Variants in GRK5 observed in about 807,000 individuals in gnomAD.
GRK5 encodes g protein-coupled receptor kinase GRK5.
A neutral mutation model predicts 78.4 loss-of-function variants in GRK5; 40 were observed. That is an observed-to-expected ratio of 0.51 (90% CI 0.40 to 0.66). GRK5 has a LOEUF of 0.66. GRK5 is among the 30% of genes least tolerant of loss of function. The pLI is 0.00. For synonymous variants in GRK5, 289 were observed against 296.8 expected, an observed-to-expected ratio of 0.97 and a Z score of 0.27; for missense variants, 598 against 759.9, an observed-to-expected ratio of 0.79 and a Z score of 2.50.
intron 2 of GRK5, among the ~76,000 whole-genome samples, chr10:119,355,746 C>T (rs1041854765): frequency 6.6e-6 from 1 of 152,094 alleles, no homozygotes; most frequent in African/African-American, 2.4e-5. Flanking sequence ...AGCCACTGCA[C>T]TCCAACAGCT....
intron 1 of GRK5, among the ~76,000 whole-genome samples, chr10:119,278,591 A>G (rs1849705827): frequency 6.6e-6 from 1 of 152,034 alleles, no homozygotes; most frequent in Non-Finnish European, 1.5e-5. Flanking sequence ...TCCAGAAGAG[A>G]CAGATCTGAG....
chr10:119,350,250 G>A (rs761763791), intron 2 of GRK5, among the ~76,000 whole-genome samples: 6 of 152,202 alleles, frequency 3.9e-5, no homozygotes, highest in African/African-American at 1.2e-4. Context: ...AGCAGCTACC[G>A]CCTACACCTG....
chr10:119,384,688 A>T (rs1381194733), intron 3 of GRK5, among the ~76,000 whole-genome samples: 1 of 141,648 alleles, frequency 7.1e-6, no homozygotes, highest in Non-Finnish European at 1.6e-5. Flanking sequence ...CACACGTAAC[A>T]GTTGAGTGAT....
At chr10:119,236,144 G>C (rs1848921271) in intron 1 of GRK5, among the ~76,000 whole-genome samples, 1 of 152,192 alleles carries the variant, frequency 6.6e-6, no homozygotes, top group African/African-American at 2.4e-5. Context: ...GGGAGGCCGA[G>C]GCAGGCTGAT....
At chr10:119,366,375 G>T (rs147683159) in intron 2 of GRK5, among the ~76,000 whole-genome samples, 1 of 151,984 alleles carries the variant, frequency 6.6e-6, no homozygotes, top group African/African-American at 2.4e-5. Flanking sequence ...GGAGGAGAGA[G>T]AGAATTTACA....
At chr10:119,403,229 T>C (rs1026485580) in intron 4 of GRK5, among the ~76,000 whole-genome samples, 18 of 151,908 alleles carry the variant, frequency 1.2e-4, no homozygotes, top group African/African-American at 4.4e-4. Context: ...TGCAGTGGTG[T>C]GATCTCGGCT....
Position 119,431,276 on chromosome 10 carries a change from C to A in GRK5, c.598-111C>A. On this transcript the variant is annotated intron_variant, in intron 7 of 15. Transcript: ENST00000392870. The surrounding 1 kb of genome is among the most constrained non-coding windows in gnomAD (Gnocchi z 4.8). The stretch of plus-strand genomic sequence containing the variant: ...CACTCATGAAGCCAGGCAGGGCCGG[C>A]TCTGACCCCATCCATTCTCTACCTG... The A allele has an allele frequency of 7.6e-7, 1 of 1,312,444 alleles. No individual in the cohort carries two copies. The highest frequency in any genetic ancestry group is 1.0e-6 in the Non-Finnish European group (1 of 964,154). The allele number at this position is 1,312,444 out of a possible 1,614,324, so 81.3% of individuals were successfully genotyped here.
intron 9 of GRK5, among the ~76,000 whole-genome samples, chr10:119,438,501 T>A (rs1852967644): frequency 7.2e-6 from 1 of 138,992 alleles, no homozygotes; most frequent in African/African-American, 2.6e-5. Context: ...CATCCCCCCA[T>A]TTATGTTTCT....
At chr10:119,329,756 A>T (rs964530328) in intron 2 of GRK5, among the ~76,000 whole-genome samples, 1 of 151,976 alleles carries the variant, frequency 6.6e-6, no homozygotes, top group Non-Finnish European at 1.5e-5. Flanking sequence ...AAACAAAAAA[A>T]ACCTCCTTCC....
intron 1 of GRK5, among the ~76,000 whole-genome samples, chr10:119,270,305 G>A (rs964486453): frequency 1.3e-5 from 2 of 152,172 alleles, no homozygotes; most frequent in Non-Finnish European, 2.9e-5. Context: ...ACAACTGACC[G>A]CAGATTGAAA....
intron 4 of GRK5, among the ~76,000 whole-genome samples, chr10:119,410,389 G>A (rs1002944585): frequency 6.6e-6 from 1 of 152,172 alleles, no homozygotes; most frequent in Non-Finnish European, 1.5e-5. Context: ...CAAAGGAAAT[G>A]TGGGTCAGGG....
chr10:119,391,063 C>A (rs965564370), intron 3 of GRK5, among the ~76,000 whole-genome samples: 10 of 152,222 alleles, frequency 6.6e-5, no homozygotes, highest in African/African-American at 2.4e-4. Context: ...GGCTGTGGTA[C>A]CTCAGGAAAT....
intron 1 of GRK5, among the ~76,000 whole-genome samples, chr10:119,251,204 G>A (rs115349559): frequency 1.3e-3 from 197 of 152,206 alleles, no homozygotes; most frequent in African/African-American, 4.7e-3. Context: ...TGCATAGACA[G>A]TAGTTCTTTA....
Position 119,250,517 on chromosome 10 carries a change from A to ATTT in GRK5, c.52+42562_52+42564dup, listed in dbSNP as rs5788333. Reference sequence around the variant, plus strand: ...CCAGGCATCCTACAGCCTCATTTAAATTTTTTTTTTTTTTTTGTACAGTCA... The same window carrying ATTT: ...CCAGGCATCCTACAGCCTCATTTAAATTTTTTTTTTTTTTTTTTTGTACAGTCA... On this transcript the variant is annotated intron_variant, in intron 1 of 15. Coordinates refer to ENST00000392870, the MANE Select transcript of GRK5 (RefSeq NM_005308.3). Among the ~76,000 whole-genome samples, 31 of 136,038 alleles carry ATTT rather than the reference A, an allele frequency of 2.3e-4. 1 individual carries two copies. The highest frequency in any genetic ancestry group is 2.9e-4 in the Non-Finnish European group (19 of 64,874). 89.2% of individuals were successfully genotyped at this position (136,038 alleles called of 152,430 possible).
At chr10:119,265,113 G>C (rs571026542) in intron 1 of GRK5, among the ~76,000 whole-genome samples, 2 of 152,332 alleles carry the variant, frequency 1.3e-5, no homozygotes, top group African/African-American at 4.8e-5. Context: ...GTTCATGTTT[G>C]TTATCTCAAA....
intron 10 of GRK5, among the ~76,000 whole-genome samples, chr10:119,440,223 A>C (rs970554089): frequency 6.6e-6 from 1 of 152,040 alleles, no homozygotes; most frequent in Non-Finnish European, 1.5e-5. Flanking sequence ...ACAGCTTGAG[A>C]GGGAATTGCT....
At chr10:119,318,023 C>T (rs761272905) in intron 1 of GRK5, among the ~76,000 whole-genome samples, 64 of 152,164 alleles carry the variant, frequency 4.2e-4, no homozygotes, top group Non-Finnish European at 7.9e-4. Flanking sequence ...TTCTAACTGG[C>T]TCCCAGCGAT....
intron 1 of GRK5, among the ~76,000 whole-genome samples, chr10:119,260,502 G>A (rs1849364567): frequency 1.3e-5 from 2 of 150,908 alleles, no homozygotes; most frequent in Non-Finnish European, 3.0e-5. Flanking sequence ...AGGTCAGCAG[G>A]TAAACAAGTG....
chr10:119,443,586 A>C lies in GRK5; in HGVS notation c.1100A>C (p.Asp367Ala). Residue 367 changes from aspartate to alanine, a missense_variant, in exon 12 of 16, where the codon GAC becomes GCC. Physicochemically the swap from Asp to Ala is moderately radical, Grantham distance 126. Coordinates refer to ENST00000392870, the MANE Select transcript of GRK5 (RefSeq NM_005308.3). ...AACCAGAGGTACGGCCTGAGCCCCG[A>C]CTACTGGGGCCTTGGCTGCCTCATC... Reference protein sequence around the residue: ...LNNQRYGLSPDYWGLGCLIYE... With the variant: ...LNNQRYGLSPAYWGLGCLIYE... 1 of 1,612,826 alleles carries C rather than the reference A, an allele frequency of 6.2e-7. No homozygotes were observed. The highest frequency in any genetic ancestry group is 2.2e-5 in the East Asian group (1 of 44,834).
Sources: allele counts gnomAD v4.1 joint callset (sites outside exome capture counted in the v4.1 genomes callset), GRCh38; gene constraint gnomAD v4.1.1; non-coding constraint Gnocchi (gnomAD v3.1); transcripts MANE v1.5; gene names NCBI Gene and HGNC (gene_info 2026-07-23, HGNC 2026-07-21).